The following CCDC141 variants were observed in gnomAD, a reference collection of about 807,000 sequenced individuals.
The protein encoded by CCDC141 is coiled-coil domain containing 141.
In CCDC141, 168 loss-of-function variants were observed where a neutral mutation model predicts 181.0. That is an observed-to-expected ratio of 0.93 (90% CI 0.82 to 1.05). The LOEUF (loss-of-function observed/expected upper bound fraction) is 1.05, where lower values mean the gene tolerates loss of function less well. Among genes scored for constraint, CCDC141 ranks in the 50% least tolerant of loss-of-function variants. CCDC141 has a pLI of 0.00. For missense variants in CCDC141, 1,902 were observed against 1,788.5 expected (o/e 1.06, Z -1.14); for synonymous variants, 666 against 642.3 (o/e 1.04, Z -0.56).
At position 178,853,445 on chromosome 2, in the gene CCDC141, T is replaced by A. The variant is rs1422125215; in HGVS notation, c.3240A>T (p.Leu1080Phe). Reference protein sequence around the residue: ...IQEATDLAQHLYGLEEGQKYI... With the variant: ...IQEATDLAQHFYGLEEGQKYI... ...ATATCTTAAAAGAGATCTCACCATA[T>A]AAGTGCTGAGCAAGGTCAGTGGCCT... The change falls in exon 20 of 24, where the codon TTA becomes TTT. Residue 1080 changes from leucine to phenylalanine, a missense_variant. Physicochemically the swap from Leu to Phe is conservative, Grantham distance 22. Transcript: ENST00000443758. 1.9e-6 allele frequency: 3 copies of A among 1,613,888 alleles called. No individual in the cohort carries two copies. The highest frequency in any genetic ancestry group is 3.3e-5 in the Admixed American group (2 of 59,984).
intron 6 of CCDC141, among the ~76,000 whole-genome samples, chr2:178,935,123 T>A (rs1361246113): frequency 6.6e-6 from 1 of 152,128 alleles, no homozygotes; most frequent in Non-Finnish European, 1.5e-5. Context: ...ACATTTTCTT[T>A]TTTTTAACTT....
intron 2 of CCDC141, among the ~76,000 whole-genome samples, chr2:179,045,113 A>G (rs2043448338): frequency 6.7e-6 from 1 of 149,348 alleles, no homozygotes; most frequent in Admixed American, 6.7e-5. Flanking sequence ...TGCACCCACT[A>G]ACTCGTCATC....
At chr2:178,921,236 C>G (rs1575219424) in intron 6 of CCDC141, among the ~76,000 whole-genome samples, 1 of 152,184 alleles carries the variant, frequency 6.6e-6, no homozygotes, top group African/African-American at 2.4e-5. Flanking sequence ...CCAAGATGTT[C>G]TTTCATAAAG....
At chr2:178,890,241 A>G (rs1277233601) in intron 8 of CCDC141, among the ~76,000 whole-genome samples, 1 of 152,178 alleles carries the variant, frequency 6.6e-6, no homozygotes, top group Non-Finnish European at 1.5e-5. Context: ...TGATTAATAC[A>G]ATTCAGAAAG....
intron 10 of CCDC141, among the ~76,000 whole-genome samples, chr2:178,885,830 G>A (rs943471501): frequency 5.9e-5 from 9 of 152,142 alleles, no homozygotes; most frequent in Non-Finnish European, 1.3e-4. Flanking sequence ...ATGAGAGATT[G>A]CTTCCCTACT....
chr2:178,826,041 T>A (rs1684120794), downstream of CCDC141, among the ~76,000 whole-genome samples: 1 of 152,202 alleles, frequency 6.6e-6, no homozygotes, highest in African/African-American at 2.4e-5. Flanking sequence ...TGTCCTTAAG[T>A]ATGATGTTAG....
chr2:178,844,071 A>G (rs1684835468), intron 22 of CCDC141, among the ~76,000 whole-genome samples: 2 of 152,312 alleles, frequency 1.3e-5, no homozygotes, highest in Middle Eastern at 3.4e-3. Context: ...TCTTCTAACA[A>G]GAAAATAAAA....
chr2:179,040,827 T>C (rs935557435), intron 2 of CCDC141, among the ~76,000 whole-genome samples: 1 of 152,232 alleles, frequency 6.6e-6, no homozygotes, highest in Non-Finnish European at 1.5e-5. Context: ...CTATCATGAA[T>C]AGTACTGCAA....
intron 2 of CCDC141, among the ~76,000 whole-genome samples, chr2:179,015,564 T>TATGATATATA (rs367585895): frequency 1.5e-5 from 2 of 132,308 alleles, no homozygotes; most frequent in Non-Finnish European, 3.2e-5. Flanking sequence ...ATCTCATATA[T>TATGATATATA]ATCTCATATA....
chr2:178,937,847 T>C (rs1187406622), intron 6 of CCDC141, among the ~76,000 whole-genome samples: 1 of 151,756 alleles, frequency 6.6e-6, no homozygotes, highest in Non-Finnish European at 1.5e-5. Flanking sequence ...TAGGTCTGTA[T>C]AGAGGTGTTC....
intron 22 of CCDC141, among the ~76,000 whole-genome samples, chr2:178,838,365 A>T (rs545054528): frequency 2.6e-5 from 4 of 152,130 alleles, no homozygotes; most frequent in Non-Finnish European, 5.9e-5. Context: ...CATCTTTCCA[A>T]TTGAAATTCT....
At chr2:179,002,378 C>T (rs769095374) in intron 2 of CCDC141, 3 of 304,074 alleles carry the variant, frequency 9.9e-6, no homozygotes, top group Non-Finnish European at 1.9e-5. Flanking sequence ...TAAATGTTCT[C>T]AATTGACTTA....
rs1236410024 is a variant in CCDC141, at chr2:178,833,591, C to G, written c.*582G>C. 1 of 152,764 alleles carries G rather than the reference C, an allele frequency of 6.5e-6. No homozygotes were observed. Among genetic ancestry groups the G allele is most frequent in the Non-Finnish European group, 1.5e-5 (1 of 68,486 alleles). The allele number at this position is 152,764 out of a possible 1,614,324, so 9.5% of individuals were successfully genotyped here. On this transcript the variant is annotated 3_prime_UTR_variant, in exon 24 of 24. Coordinates refer to ENST00000443758, the MANE Select transcript of CCDC141 (RefSeq NM_173648.4). ...GGCACATCTATCCTCCAATGTCAAA[C>G]CCGTGAGAGCAACATGAGGAATGAT...
chr2:178,984,454 C>A (rs1382894328), intron 2 of CCDC141, among the ~76,000 whole-genome samples: 1 of 151,772 alleles, frequency 6.6e-6, no homozygotes, highest in Non-Finnish European at 1.5e-5. Flanking sequence ...GGATCAAATT[C>A]ACACATAACA....
At chr2:178,856,637 G>T (rs1685402393) in intron 17 of CCDC141, among the ~76,000 whole-genome samples, 1 of 151,248 alleles carries the variant, frequency 6.6e-6, no homozygotes, top group East Asian at 1.9e-4. Context: ...CACTCAGGCT[G>T]GAGTGCATTG....
chr2:178,837,604 T>G lies in CCDC141; in HGVS notation c.3615A>C (p.Glu1205Asp). 6.2e-7 allele frequency: 1 copy of G among 1,614,016 alleles called. No homozygotes were observed. Among genetic ancestry groups the G allele is most frequent in the Non-Finnish European group, 8.5e-7 (1 of 1,179,950 alleles). Residue 1205 changes from glutamate to aspartate, a missense_variant, in exon 23 of 24, where the codon GAA becomes GAC. Glu to Asp is a conservative substitution (Grantham distance 45). Coordinates refer to ENST00000443758, the MANE Select transcript of CCDC141 (RefSeq NM_173648.4). ...LLPEDMLSGE[E>D]YECVSPDDIS... ...TGTCATCAGGTGAGACACACTCATA[T>G]TCTTCCCCTGAGAGCATGTCTTCAG...
chr2:178,960,721 C>G (rs1441213228), intron 5 of CCDC141, among the ~76,000 whole-genome samples: 3 of 152,260 alleles, frequency 2.0e-5, no homozygotes, highest in Admixed American at 2.0e-4. Flanking sequence ...TCATCAACCC[C>G]CAAAGCCCTC....
At chr2:178,962,104 A>C (rs942975603) in intron 4 of CCDC141, among the ~76,000 whole-genome samples, 2 of 152,130 alleles carry the variant, frequency 1.3e-5, no homozygotes, top group African/African-American at 4.8e-5. Flanking sequence ...TTTTTAATTA[A>C]AAAAATCACA....
At chr2:178,947,695 T>C (rs552333378) in intron 5 of CCDC141, among the ~76,000 whole-genome samples, 2 of 152,142 alleles carry the variant, frequency 1.3e-5, no homozygotes, top group Admixed American at 6.5e-5. Flanking sequence ...GAGGAAACAA[T>C]CAGGAATGTT....
Sources: allele counts gnomAD v4.1 joint callset (sites outside exome capture counted in the v4.1 genomes callset), GRCh38; gene constraint gnomAD v4.1.1; transcripts MANE v1.5; gene names NCBI Gene and HGNC (gene_info 2026-07-23, HGNC 2026-07-21).